ADCY2: variants seen among roughly 807,000 people sequenced by gnomAD.
The protein encoded by ADCY2 is adenylate cyclase type 2.
In ADCY2, 31 loss-of-function variants were observed where a neutral mutation model predicts 125.2. The observed-to-expected ratio is 0.25, with a 90% CI of 0.19 to 0.33. The LOEUF is 0.33. Ranked by LOEUF, ADCY2 falls within the 10% of genes least tolerant of loss-of-function variation. ADCY2 has a pLI of 1.00. For synonymous variants in ADCY2, 512 were observed against 548.4 expected, an observed-to-expected ratio of 0.93 and a Z score of 0.93; for missense variants, 904 against 1,418.2, an observed-to-expected ratio of 0.64 and a Z score of 5.82.
At chr5:7,635,202 A>G (rs552743185) in intron 4 of ADCY2, among the ~76,000 whole-genome samples, 2 of 152,108 alleles carry the variant, frequency 1.3e-5, no homozygotes, top group African/African-American at 4.8e-5. Context: ...TTTGAGTAAG[A>G]TAGCAACGTA....
rs537710813 is a variant in ADCY2 at position 7,595,991 on chromosome 5, A to G, written c.571-30176A>G. Among the ~76,000 whole-genome samples the G allele has an allele frequency of 1.1e-4, 17 of 152,284 alleles. 1 individual carries two copies. In the South Asian group the frequency reaches 3.3e-3, roughly 30 times the overall value. On this transcript the variant is annotated intron_variant, in intron 3 of 24. Transcript: ENST00000338316. ...GGAGGGCTGACTATAGTAGCAAATT[A>G]TATAGACATATGAGAAATTTTATAT...
chr5:7,793,405 C>T (rs545461639), intron 20 of ADCY2, among the ~76,000 whole-genome samples: 2 of 152,312 alleles, frequency 1.3e-5, no homozygotes, highest in South Asian at 2.1e-4. Flanking sequence ...GAGCCGAGAT[C>T]GTGCCTTTGC....
At chr5:7,734,740 T>C (rs1161134293) in intron 14 of ADCY2, among the ~76,000 whole-genome samples, 3 of 152,216 alleles carry the variant, frequency 2.0e-5, no homozygotes, top group Admixed American at 6.5e-5. Context: ...ACAGTATTTG[T>C]TGTTCCCTGG....
At chr5:7,523,255 A>G (rs1744523957) in intron 3 of ADCY2, among the ~76,000 whole-genome samples, 1 of 151,774 alleles carries the variant, frequency 6.6e-6, no homozygotes, top group African/African-American at 2.4e-5. Context: ...AGGTCACTGA[A>G]TACTGTATTC....
At chr5:7,523,620 G>C (rs1358084609) in intron 3 of ADCY2, among the ~76,000 whole-genome samples, 1 of 152,172 alleles carries the variant, frequency 6.6e-6, no homozygotes, top group African/African-American at 2.4e-5. Context: ...AAACATCACA[G>C]TAATGAAGAA....
intron 4 of ADCY2, among the ~76,000 whole-genome samples, chr5:7,666,052 A>T (rs987253675): frequency 6.6e-6 from 1 of 150,542 alleles, no homozygotes. Context: ...GTTAGCCAGG[A>T]TGGTCTCGAT....
intron 2 of ADCY2, among the ~76,000 whole-genome samples, chr5:7,498,120 G>C (rs1431332326): frequency 6.6e-6 from 1 of 151,834 alleles, no homozygotes; most frequent in Non-Finnish European, 1.5e-5. Flanking sequence ...GTAGAGACAA[G>C]TGTGGGAGAA....
intron 3 of ADCY2, among the ~76,000 whole-genome samples, chr5:7,603,417 G>C (rs970324): frequency 0.62 from 94,150 of 152,098 alleles, 29,777 homozygotes; most frequent in Non-Finnish European, 0.67. Context: ...GCATCTCCTC[G>C]AATGCCAGAA....
intron 2 of ADCY2, among the ~76,000 whole-genome samples, chr5:7,421,724 TC>T (rs1449196698): frequency 6.6e-5 from 10 of 152,186 alleles, no homozygotes; most frequent in Admixed American, 5.2e-4. Flanking sequence ...CACTCCTCCT[TC>T]TTAGATTTGG....
chr5:7,738,073 A>AG (rs1742300069), intron 14 of ADCY2, among the ~76,000 whole-genome samples: 1 of 152,186 alleles, frequency 6.6e-6, no homozygotes, highest in African/African-American at 2.4e-5. Context: ...AGAAGGAAAA[A>AG]GGAATCTAAG....
chr5:7,551,040 CCCTT>C (rs142758043), intron 3 of ADCY2, among the ~76,000 whole-genome samples: 231 of 124,812 alleles, frequency 1.9e-3, no homozygotes, highest in African/African-American at 5.8e-3. Context: ...CTCCCTTCCT[CCCTT>C]CCTTCCTTCC....
intron 4 of ADCY2, chr5:7,658,062 G>A (rs1739399769): frequency 6.6e-6 from 1 of 152,140 alleles, no homozygotes; most frequent in East Asian, 1.9e-4. Context: ...CTCACCCTTC[G>A]ACACGAACCC....
In ADCY2 at chr5:7,541,947, G is replaced by A. The variant is rs546302508; in HGVS notation, c.570+21048G>A. Among the ~76,000 whole-genome samples, 4 of 152,272 alleles carry A rather than the reference G, an allele frequency of 2.6e-5. No homozygotes were observed. The South Asian group carries it at 6.2e-4, about 24-fold the overall frequency. On this transcript the variant is annotated intron_variant, in intron 3 of 24. Transcript: ENST00000338316. ...GAAATGGATGGATAATAATGAGTGG[G>A]TTAACATTCACTCATTAGTTAGCAT...
intron 3 of ADCY2, among the ~76,000 whole-genome samples, chr5:7,540,996 T>C (rs1343309473): frequency 6.6e-6 from 1 of 152,170 alleles, no homozygotes; most frequent in Non-Finnish European, 1.5e-5. Flanking sequence ...CCTAATGCTG[T>C]GCTTCCCATA....
Position 7,717,207 on chromosome 5 carries a change from T to C in ADCY2, c.1673T>C (p.Ile558Thr). Residue 558 changes from isoleucine to threonine, a missense_variant, in exon 12 of 25, where the codon ATT becomes ACT. By Grantham distance (89) the Ile-to-Thr change is moderately conservative. This residue lies in a region of ADCY2 where 144 missense variants were observed against 227.7 expected (regional missense o/e 0.63). Coordinates refer to ENST00000338316, the MANE Select transcript of ADCY2 (RefSeq NM_020546.3). ...RFEEELNERM[I>T]QAIDGINAQK... ...GAAGAAGAATTGAATGAAAGGATGA[T>C]TCAAGCAATTGATGGGATTAATGCA... 1 of 1,611,298 alleles carries C rather than the reference T, an allele frequency of 6.2e-7. No homozygotes were observed. Among genetic ancestry groups the C allele is most frequent in the Non-Finnish European group, 8.5e-7 (1 of 1,178,266 alleles).
chr5:7,625,342 T>C (rs1376859550), intron 3 of ADCY2, among the ~76,000 whole-genome samples: 1 of 152,230 alleles, frequency 6.6e-6, no homozygotes, highest in African/African-American at 2.4e-5. Context: ...CAGAATGAAC[T>C]GAAGCTTCTT....
At chr5:7,493,618 G>T (rs930157950) in intron 2 of ADCY2, among the ~76,000 whole-genome samples, 4 of 152,136 alleles carry the variant, frequency 2.6e-5, no homozygotes, top group Admixed American at 2.6e-4. Flanking sequence ...TAGGCATGCA[G>T]CTTTGGGATG....
At chr5:7,815,380 C>T (rs1390096066) in intron 22 of ADCY2, among the ~76,000 whole-genome samples, 1 of 152,148 alleles carries the variant, frequency 6.6e-6, no homozygotes, top group East Asian at 1.9e-4. Context: ...CAGCCATGCC[C>T]GGCAGGCCTG....
intron 4 of ADCY2, among the ~76,000 whole-genome samples, chr5:7,675,793 A>C (rs540071353): frequency 3.9e-5 from 6 of 152,308 alleles, no homozygotes; most frequent in African/African-American, 1.4e-4. Context: ...GACTGGATCC[A>C]ATTATGAACT....
Sources: allele counts gnomAD v4.1 joint callset (sites outside exome capture counted in the v4.1 genomes callset), GRCh38; gene constraint gnomAD v4.1.1; regional missense constraint gnomAD v4.1.1; transcripts MANE v1.5; gene names NCBI Gene and HGNC (gene_info 2026-07-23, HGNC 2026-07-21).